The following IRS1 variants were observed in gnomAD, a reference collection of about 807,000 sequenced individuals.
The protein encoded by IRS1 is insulin receptor substrate 1.
A neutral mutation model predicts 65.6 loss-of-function variants in IRS1; 34 were observed. The ratio of observed to expected loss-of-function variants is 0.52; its 90% CI spans 0.39 to 0.69. IRS1 has a LOEUF of 0.69. IRS1 is among the 30% of genes least tolerant of loss of function. The pLI, the probability that IRS1 is intolerant of heterozygous loss-of-function variation, is 0.00. For missense variants in IRS1, 1,641 were observed against 1,720.2 expected (o/e 0.95, Z 0.81); for synonymous variants, 699 against 683.5 (o/e 1.02, Z -0.35).
intron 1 of IRS1, among the ~76,000 whole-genome samples, chr2:226,788,163 G>C (rs539300154): frequency 3.9e-5 from 6 of 152,242 alleles, no homozygotes; most frequent in African/African-American, 1.4e-4. Flanking sequence ...AACAATAAAA[G>C]TGGAGTGCAA....
At chr2:226,790,832 T>C (rs1043044579) in intron 1 of IRS1, among the ~76,000 whole-genome samples, 1 of 152,170 alleles carries the variant, frequency 6.6e-6, no homozygotes, top group Admixed American at 6.5e-5. Context: ...CTCACATAAT[T>C]TTGGTTACTG....
chr2:226,772,218 C>G (rs1939179726), intron 1 of IRS1, among the ~76,000 whole-genome samples: 1 of 152,162 alleles, frequency 6.6e-6, no homozygotes, highest in South Asian at 2.1e-4. Context: ...TGGGATATAA[C>G]TCAAACCATG....
chr2:226,796,499 G>A lies in IRS1; in HGVS notation c.2240C>T (p.Ser747Phe). 1 of 1,613,964 alleles carries A rather than the reference G, an allele frequency of 6.2e-7. No individual in the cohort carries two copies. The highest frequency in any genetic ancestry group is 8.5e-7 in the Non-Finnish European group (1 of 1,180,028). The change falls in exon 1 of 2, where the codon TCC becomes TTC. Residue 747 changes from serine to phenylalanine, a missense_variant. Transcript: ENST00000305123. Reference protein sequence around the residue: ...PVGDSNTSSPSDCYYGPEDPQ... With the variant: ...PVGDSNTSSPFDCYYGPEDPQ... ...GTCCTCAGGGCCGTAGTAGCAGTCGGAGGGGCTGCTGGTGTTGGAGTCCCC... is the reference window on the plus strand; with the variant it reads ...GTCCTCAGGGCCGTAGTAGCAGTCGAAGGGGCTGCTGGTGTTGGAGTCCCC...
Position 226,799,314 on chromosome 2 carries a change from C to A in IRS1, c.-576G>T. The A allele has an allele frequency of 8.3e-7, 1 of 1,210,904 alleles. No homozygotes were observed. The highest frequency in any genetic ancestry group is 1.1e-6 in the Non-Finnish European group (1 of 944,846). The allele number at this position is 1,210,904 out of a possible 1,614,324, so 75.0% of individuals were successfully genotyped here. On this transcript the variant is annotated 5_prime_UTR_variant, in exon 1 of 2. Transcript: ENST00000305123. This position sits in a 1 kb window ranked among gnomAD's most constrained non-coding sequence, Gnocchi z 6.1. ...CCCAACCGTCCCAGCCGCCACCAGC[C>A]GCCCAAATACCAGCTCAGTCGCAGA...
intron 1 of IRS1, among the ~76,000 whole-genome samples, chr2:226,789,311 C>T (rs946599456): frequency 1.3e-5 from 2 of 152,102 alleles, no homozygotes; most frequent in South Asian, 4.1e-4. Context: ...CAAAAAAGGT[C>T]GGAGCTTCTG....
rs761927466 is a variant in IRS1, at chr2:226,795,782, C to G, written c.2957G>C (p.Arg986Pro). Reference sequence around the variant, plus strand: ...CATCTGCATGGTCATGTAGTCACCCCGGCTGCTGGGCACTGCCCGGGTAGG... The same window carrying G: ...CATCTGCATGGTCATGTAGTCACCCGGGCTGCTGGGCACTGCCCGGGTAGG... ...CRPTRAVPSS[R>P]GDYMTMQMSC... Residue 986 changes from arginine to proline, a missense_variant, in exon 1 of 2, where the codon CGG (arginine) becomes CCG (proline). Physicochemically the swap from Arg to Pro is moderately radical, Grantham distance 103 (BLOSUM62 -2). This residue lies in a region of IRS1 where 1,324 missense variants were observed against 1,361.0 expected (regional missense o/e 0.97). Coordinates refer to ENST00000305123, the MANE Select transcript of IRS1 (RefSeq NM_005544.3). 6.2e-7 allele frequency: 1 copy of G among 1,613,186 alleles called. No homozygotes were observed. The highest frequency in any genetic ancestry group is 8.5e-7 in the Non-Finnish European group (1 of 1,179,966).
At chr2:226,756,017 T>A (rs942145203) in intron 1 of IRS1, among the ~76,000 whole-genome samples, 1 of 152,150 alleles carries the variant, frequency 6.6e-6, no homozygotes, top group African/African-American at 2.4e-5. Context: ...TTCACAGACT[T>A]TATGCACTCA....
Position 226,799,639 on chromosome 2 carries a change from C to T in IRS1, c.-901G>A. 1 of 1,003,150 alleles carries T rather than the reference C, an allele frequency of 1.0e-6. No homozygotes were observed. Among genetic ancestry groups the T allele is most frequent in the Non-Finnish European group, 1.2e-6 (1 of 832,108 alleles). The allele number at this position is 1,003,150 out of a possible 1,614,324, so 62.1% of individuals were successfully genotyped here. A position where few individuals can be genotyped will look rare whatever the true frequency, so the allele number is the denominator to read the frequency against. On this transcript the variant is annotated 5_prime_UTR_variant, in exon 1 of 2. Coordinates refer to ENST00000305123, the MANE Select transcript of IRS1 (RefSeq NM_005544.3). The surrounding 1 kb of genome is among the most constrained non-coding windows in gnomAD (Gnocchi z 6.1). ...GCCTGTTCCTCGGGAGGCGCTGCCG[C>T]TGCAGTTACTTCTCCCCTCCTCCCT...
chr2:226,784,513 G>A (rs1438185385), intron 1 of IRS1, among the ~76,000 whole-genome samples: 1 of 152,016 alleles, frequency 6.6e-6, no homozygotes, highest in African/African-American at 2.4e-5. Flanking sequence ...ATCTCTGCCT[G>A]TCAGGTTCAA....
chr2:226,765,093 A>G (rs555904637), intron 1 of IRS1, among the ~76,000 whole-genome samples: 1 of 152,150 alleles, frequency 6.6e-6, no homozygotes, highest in Non-Finnish European at 1.5e-5. Context: ...CTTTTTATAA[A>G]TATTACTCAT....
intron 1 of IRS1, among the ~76,000 whole-genome samples, chr2:226,775,458 T>C (rs1238068595): frequency 6.6e-6 from 1 of 152,198 alleles, no homozygotes; most frequent in Admixed American, 6.5e-5. Flanking sequence ...ATGGTCCATG[T>C]GGAAATGGAT....
chr2:226,784,408 AT>A (rs1419238745), intron 1 of IRS1, among the ~76,000 whole-genome samples: 2 of 151,738 alleles, frequency 1.3e-5, no homozygotes, highest in African/African-American at 2.4e-5. Flanking sequence ...TTTTTTTTTA[AT>A]TTTTTTATTT....
intron 1 of IRS1, among the ~76,000 whole-genome samples, chr2:226,759,976 A>G (rs1202852695): frequency 1.3e-5 from 2 of 152,128 alleles, no homozygotes; most frequent in Non-Finnish European, 2.9e-5. Context: ...GGCGTTTGAG[A>G]CCAGCCTGGC....
At chr2:226,763,150 G>A (rs1938952780) in intron 1 of IRS1, among the ~76,000 whole-genome samples, 1 of 152,076 alleles carries the variant, frequency 6.6e-6, no homozygotes. Context: ...TTGGTTTCAG[G>A]AAAAAAGAAA....
In IRS1 at chr2:226,784,370, T is replaced by C. The variant is rs548362332; in HGVS notation, c.*21+10619A>G. 6.6e-3 allele frequency among the ~76,000 whole-genome samples: 1,002 copies of C among 152,280 alleles called. 8 individuals are homozygous for C. Among genetic ancestry groups the C allele is most frequent in the Non-Finnish European group, 0.011 (746 of 68,016 alleles). ...TATTGGTAAGTCACCAAAAAAACGA[T>C]CAAACACTGACGATTCTAATTCAAA... On this transcript the variant is annotated intron_variant, in intron 1 of 1. Coordinates refer to ENST00000305123, the MANE Select transcript of IRS1 (RefSeq NM_005544.3).
intron 1 of IRS1, among the ~76,000 whole-genome samples, chr2:226,787,720 G>A (rs1353481447): frequency 1.3e-5 from 2 of 148,382 alleles, no homozygotes; most frequent in Non-Finnish European, 3.1e-5. Flanking sequence ...AAGATCTTCT[G>A]ATCTTCTGAT....
chr2:226,766,161 A>ATTTTTTTTT (rs1312915502), intron 1 of IRS1, among the ~76,000 whole-genome samples: 5 of 5,458 alleles, frequency 9.2e-4, no homozygotes, highest in Non-Finnish European at 1.2e-3. Context: ...ATATATATAT[A>ATTTTTTTTT]TATTTTTTTT....
chr2:226,780,877 C>T (rs985346786), intron 1 of IRS1, among the ~76,000 whole-genome samples: 1 of 152,148 alleles, frequency 6.6e-6, no homozygotes, highest in East Asian at 1.9e-4. Context: ...TTGTTTGAAA[C>T]TTTTCTAAAG....
At chr2:226,750,810 G>A (rs1938663443) in intron 1 of IRS1, among the ~76,000 whole-genome samples, 1 of 152,158 alleles carries the variant, frequency 6.6e-6, no homozygotes, top group South Asian at 2.1e-4. Context: ...TAACTTAAAT[G>A]TGCTTAGGAT....
Sources: gnomAD v4.1 joint callset for allele counts (sites outside exome capture counted in the v4.1 genomes callset) on GRCh38, gnomAD v4.1.1 for gene constraint, gnomAD v4.1.1 regional missense constraint, Gnocchi (gnomAD v3.1) non-coding constraint, MANE v1.5 for transcripts, NCBI Gene and HGNC (gene_info 2026-07-23, HGNC 2026-07-21) for gene names.